Variants in KIF20B observed in about 807,000 individuals in gnomAD.
KIF20B encodes kinesin family member 20B, also known as kinesin-like protein KIF20B.
Under a neutral mutation model 232.5 loss-of-function variants are expected in KIF20B, and 188 were observed. The observed-to-expected ratio is 0.81, with a 90% CI of 0.72 to 0.91. KIF20B has a LOEUF of 0.91. Ranked by LOEUF, KIF20B falls within the 40% of genes least tolerant of loss-of-function variation. KIF20B has a pLI of 0.00. For synonymous variants in KIF20B, 712 were observed against 683.0 expected (o/e 1.04, Z -0.66); for missense variants, 2,154 against 2,055.9 (o/e 1.05, Z -0.92).
In KIF20B at chr10:89,726,343, T is replaced by C; in HGVS notation, c.2052T>C (p.Asp684=). The C allele has an allele frequency of 6.4e-7, 1 of 1,552,832 alleles. No homozygotes were observed. The highest frequency in any genetic ancestry group is 8.7e-7 in the Non-Finnish European group (1 of 1,147,454). ...AAGATATTATTGATTCTCTTCAAGA[T>C]AATGTTGCTGATATTAAGAAACAGG... ...GFEDIIDSLQ[D]NVADIKKQAE... The change falls in exon 16 of 33, where the codon GAT becomes GAC. Residue 684 remains aspartate (D), a synonymous_variant. Coordinates refer to ENST00000371728, the MANE Select transcript of KIF20B (RefSeq NM_001284259.2).
In KIF20B at chr10:89,719,625, T is replaced by C; in HGVS notation, c.1641T>C (p.Asn547=). 1.9e-6 allele frequency: 3 copies of C among 1,613,172 alleles called. No homozygotes were observed. Among genetic ancestry groups the C allele is most frequent in the Non-Finnish European group, 2.5e-6 (3 of 1,179,384 alleles). Residue 547 remains asparagine (N), a synonymous_variant, in exon 13 of 33, where the codon AAT becomes AAC. Coordinates refer to ENST00000371728, the MANE Select transcript of KIF20B (RefSeq NM_001284259.2). ...TAGAAAACGCTGAAGAAACTCAAAA[T>C]GTGGAAACTAAACTTCTTGATGAAG... The part of the protein sequence containing the change: ...EELENAEETQ[N]VETKLLDEDL...
At chr10:89,752,512 A>G (rs922968077) in intron 24 of KIF20B, 55 bp from the exon 25 acceptor site, 14 of 1,369,296 alleles carry the variant, frequency 1.0e-5, no homozygotes, top group Non-Finnish European at 9.9e-6. Flanking sequence ...GTGTATCTCT[A>G]CATGGTATAA....
At chr10:89,744,042 T>A in intron 22 of KIF20B, 115 bp downstream of exon 22, 1 of 772,514 alleles carries the variant, frequency 1.3e-6, no homozygotes, top group South Asian at 2.4e-5. Flanking sequence ...TTCTAGAATC[T>A]AGAAATAAAT....
intron 25 of KIF20B, 96 bp downstream of exon 25, chr10:89,752,787 T>C: frequency 1.2e-6 from 1 of 865,872 alleles, no homozygotes; most frequent in Non-Finnish European, 1.6e-6. Context: ...AGTAATTCAC[T>C]TAGATATGGG....
At position 89,715,992 on chromosome 10, in the gene KIF20B, A is replaced by AAAATAAATAAATAAATAAATAAAT. The variant is rs372772817; in HGVS notation, c.941-436_941-413dup. On this transcript the variant is annotated intron_variant, in intron 8 of 32. Coordinates refer to ENST00000371728, the MANE Select transcript of KIF20B (RefSeq NM_001284259.2). ...GGCAACAGAGTGAAACCTTGTCTCCAAAATAAATAAATAAATAAATAAATA... is the reference window on the plus strand; with the variant it reads ...GGCAACAGAGTGAAACCTTGTCTCCAAAATAAATAAATAAATAAATAAATAAATAAATAAATAAATAAATAAATA... Among the ~76,000 whole-genome samples, 16 of 148,954 alleles carry AAAATAAATAAATAAATAAATAAAT rather than the reference A, an allele frequency of 1.1e-4. No homozygotes were observed. In the South Asian group the frequency reaches 1.5e-3, roughly 14 times the overall value.
At chr10:89,739,789 C>T (rs1192197137) in intron 21 of KIF20B, among the ~76,000 whole-genome samples, 1 of 151,516 alleles carries the variant, frequency 6.6e-6, no homozygotes, top group Non-Finnish European at 1.5e-5. Context: ...TTGTGTTTAT[C>T]TAAACTTTAA....
intron 1 of KIF20B, among the ~76,000 whole-genome samples, chr10:89,704,056 C>T (rs1842671990): frequency 6.6e-6 from 1 of 151,994 alleles, no homozygotes; most frequent in South Asian, 2.1e-4. Flanking sequence ...CGGCCGTAGG[C>T]TTTTTAATTT....
In KIF20B at chr10:89,714,194, T is replaced by C. The variant is rs560142132; in HGVS notation, c.712+111T>C. ...TGTTTTATTTTTATTATTAAAAAAT[T>C]TTTAGGCTGGGCGCGGTGGCTCATG... On this transcript the variant is annotated intron_variant, in intron 7 of 32. Transcript: ENST00000371728. 3.8e-5 allele frequency: 21 copies of C among 559,186 alleles called. 1 individual carries two copies. In the South Asian group the frequency reaches 9.2e-4, roughly 24 times the overall value. 34.6% of individuals were successfully genotyped at this position (559,186 alleles called of 1,614,324 possible).
chr10:89,703,756 T>C (rs1842662315), intron 1 of KIF20B, among the ~76,000 whole-genome samples: 1 of 7,332 alleles, frequency 1.4e-4, no homozygotes. Context: ...GGCTTTTCCC[T>C]TTTTTTTTTT....
intron 4 of KIF20B, 63 bp from the exon 5 acceptor site, chr10:89,709,864 G>A: frequency 7.4e-7 from 1 of 1,353,494 alleles, no homozygotes; most frequent in Non-Finnish European, 1.0e-6. Context: ...GTGTTGGGAT[G>A]GAACACACTA....
At chr10:89,768,972 C>A in intron 31 of KIF20B, 84 bp downstream of exon 31, 3 of 1,108,142 alleles carry the variant, frequency 2.7e-6, no homozygotes, top group Non-Finnish European at 3.9e-6. Flanking sequence ...AACTCAACAG[C>A]TGTTCAGGGA....
At chr10:89,716,275 T>C (rs79792073) in intron 8 of KIF20B, among the ~76,000 whole-genome samples, 161 bp from the exon 9 acceptor site, 4,080 of 152,308 alleles carry the variant, frequency 0.027, 358 homozygotes, top group East Asian at 0.27. Context: ...TACAATCTTC[T>C]CTGGTGTAAC....
At chr10:89,762,969 A>G (rs570850339) in intron 29 of KIF20B, 134 bp downstream of exon 29, 5 of 659,708 alleles carry the variant, frequency 7.6e-6, no homozygotes, top group East Asian at 5.5e-5. Flanking sequence ...AATTTATGCT[A>G]TATTTTATAC....
chr10:89,745,658 G>C (rs542613096), intron 22 of KIF20B, among the ~76,000 whole-genome samples: 81 of 151,460 alleles, frequency 5.3e-4, no homozygotes, highest in Admixed American at 1.2e-3. Flanking sequence ...ACAGTGGTGC[G>C]ATCTTGGCTC....
At chr10:89,735,944 G>T (rs1841642230) in intron 19 of KIF20B, among the ~76,000 whole-genome samples, 1 of 152,040 alleles carries the variant, frequency 6.6e-6, no homozygotes, top group South Asian at 2.1e-4. Flanking sequence ...TTATATCTGG[G>T]ATCATTAAAC....
intron 19 of KIF20B, among the ~76,000 whole-genome samples, chr10:89,735,112 A>C (rs1311261284): frequency 6.6e-6 from 1 of 152,216 alleles, no homozygotes; most frequent in African/African-American, 2.4e-5. Flanking sequence ...GAGAACATTA[A>C]AATTTTAAAC....
At chr10:89,742,423 C>G (rs1162853892) in intron 21 of KIF20B, among the ~76,000 whole-genome samples, 1 of 152,090 alleles carries the variant, frequency 6.6e-6, no homozygotes, top group Non-Finnish European at 1.5e-5. Context: ...TAAGACTTGT[C>G]TAAGTTCACT....
rs1255999182 is a variant in KIF20B, at chr10:89,760,588, A to G, written c.4743A>G (p.Gln1581=). 1.9e-6 allele frequency: 3 copies of G among 1,612,950 alleles called. No homozygotes were observed. The highest frequency in any genetic ancestry group is 2.5e-6 in the Non-Finnish European group (3 of 1,179,244). ...GTTCAGCAGATCCTGACAAACTTCA[A>G]ACTGAACCTCTATCGACAAGTTTTG... ...RISSADPDKL[Q]TEPLSTSFEI... is the part of the protein sequence containing the mutation. The change falls in exon 28 of 33, where the codon CAA becomes CAG. Residue 1581 remains glutamine, a synonymous_variant. Transcript: ENST00000371728.
intron 11 of KIF20B, among the ~76,000 whole-genome samples, chr10:89,718,140 T>A (rs11185856): frequency 0.017 from 2,561 of 152,334 alleles, 88 homozygotes; most frequent in African/African-American, 0.058. Flanking sequence ...ACATCTCTTA[T>A]ATACTTGCTC....
Sources: allele counts gnomAD v4.1 joint callset (sites outside exome capture counted in the v4.1 genomes callset), GRCh38; gene constraint gnomAD v4.1.1; transcripts MANE v1.5; gene names NCBI Gene and HGNC (gene_info 2026-07-23, HGNC 2026-07-21).